The following MUC7 variants were observed in gnomAD, a reference collection of about 807,000 sequenced individuals.
MUC7 encodes mucin-7.
In MUC7, 2 loss-of-function variants were observed where a neutral mutation model predicts 2.5. The ratio of observed to expected loss-of-function variants is 0.81; its 90% confidence interval spans 0.33 to 2.55. MUC7 has a LOEUF of 2.55. Among genes scored for constraint, MUC7 ranks in the 30% most tolerant of loss-of-function variants. The pLI, the probability that MUC7 is intolerant of heterozygous loss-of-function variation, is 0.11. For synonymous variants in MUC7, 133 were observed against 173.4 expected, an observed-to-expected ratio of 0.77 and a Z score of 1.83; for missense variants, 408 against 455.6, an observed-to-expected ratio of 0.90 and a Z score of 0.95.
rs546054778 is a variant in MUC7, at chr4:70,442,195, G to A, written c.-93+11508G>A. Among the ~76,000 whole-genome samples, 9 of 152,254 alleles carry A rather than the reference G, an allele frequency of 5.9e-5. No homozygotes were observed. The East Asian group carries it at 9.7e-4, about 16-fold the overall frequency. On this transcript the variant is annotated intron_variant, in intron 1 of 3. Coordinates refer to the MUC7 transcript ENST00000413702. ...AAAAATGCTATCATACTTTGGGTTC[G>A]TATATGTACAGCTCAACCTCTCAAA...
At chr4:70,446,341 GT>G (rs1489672777) in intron 1 of MUC7, among the ~76,000 whole-genome samples, 1 of 152,132 alleles carries the variant, frequency 6.6e-6, no homozygotes. Context: ...TTCTCTCACA[GT>G]TTTATAGGCT....
At chr4:70,451,642 AT>A (rs1013949261) in intron 1 of MUC7, among the ~76,000 whole-genome samples, 8 of 151,772 alleles carry the variant, frequency 5.3e-5, no homozygotes, top group Admixed American at 4.6e-4. Flanking sequence ...TACTATTTCA[AT>A]TTTTTTTAAT....
intron 1 of MUC7, among the ~76,000 whole-genome samples, chr4:70,450,330 T>A (rs1256386222): frequency 6.6e-6 from 1 of 152,168 alleles, no homozygotes; most frequent in Non-Finnish European, 1.5e-5. Context: ...GGACTCACCC[T>A]TCAGGACAGT....
intron 1 of MUC7, among the ~76,000 whole-genome samples, chr4:70,447,732 C>T (rs1734180787): frequency 6.6e-6 from 1 of 152,144 alleles, no homozygotes; most frequent in African/African-American, 2.4e-5. Flanking sequence ...ATAATAATCA[C>T]ATCATGGAGA....
In MUC7 at chr4:70,481,127, A is replaced by C. The variant is rs752727782; in HGVS notation, c.383A>C (p.Asn128Thr). ...SASTKITTLP[N>T]VTFLPQNATT... ...TCCACCAAAATTACTACCCTTCCAA[A>C]TGTGACTTTTCTTCCCCAGAATGCC... The change falls in exon 3 of 3, where the codon AAT (asparagine) becomes ACT (threonine). Residue 128 changes from asparagine (N) to threonine (T), a missense_variant. By Grantham distance (65) the Asn-to-Thr change is moderately conservative. Around this residue, in one of 3 missense-constraint regions of MUC7, gnomAD observed 225 missense variants for 240.5 expected, o/e 0.94. Transcript: ENST00000304887. 3 of 1,614,128 alleles carry C rather than the reference A, an allele frequency of 1.9e-6. No individual in the cohort carries two copies. Among genetic ancestry groups the C allele is most frequent in the Non-Finnish European group, 2.5e-6 (3 of 1,180,024 alleles).
intron 1 of MUC7, among the ~76,000 whole-genome samples, chr4:70,437,468 C>T (rs563391126): frequency 1.2e-4 from 18 of 152,304 alleles, no homozygotes; most frequent in African/African-American, 3.4e-4. Flanking sequence ...CGTCCCAGGT[C>T]GATCTCAGAC....
intron 1 of MUC7, among the ~76,000 whole-genome samples, chr4:70,460,864 C>A (rs1734539528): frequency 6.6e-6 from 1 of 152,174 alleles, no homozygotes; most frequent in African/African-American, 2.4e-5. Context: ...CAACGGCACC[C>A]TACTGCAGCC....
rs536486894 is a variant in MUC7 at position 70,457,433 on chromosome 4, C to A, written c.-92-14782C>A. On this transcript the variant is annotated intron_variant, in intron 1 of 3. Coordinates refer to the MUC7 transcript ENST00000413702. ...CTCTAGCCTGGGTGACAGAGCAAGA[C>A]CTTGTCTCAATCAATCAATCATGTA... Among the ~76,000 whole-genome samples, 7 of 152,054 alleles carry A rather than the reference C, an allele frequency of 4.6e-5. No homozygotes were observed. In the South Asian group the frequency reaches 1.2e-3, roughly 27 times the overall value.
chr4:70,481,029 T>C lies in MUC7; in HGVS notation c.285T>C (p.Asp95=), dbSNP rs1203985361. 5.0e-6 allele frequency: 8 copies of C among 1,614,080 alleles called. No homozygotes were observed. The highest frequency in any genetic ancestry group is 1.3e-5 in the African/African-American group (1 of 75,024). ...PNPHQPPKHP[D]KNSSVVNPTL... ...CTCACCAGCCACCTAAACATCCAGA[T>C]AAAAATAGCAGTGTGGTCAACCCTA... is the stretch of plus-strand genomic sequence containing the variant. Residue 95 remains aspartate (D), a synonymous_variant, in exon 3 of 3, where the codon GAT becomes GAC. Coordinates refer to ENST00000304887, the MANE Select transcript of MUC7 (RefSeq NM_152291.3).
chr4:70,438,142 T>G (rs1305596010), intron 1 of MUC7, among the ~76,000 whole-genome samples: 1 of 152,168 alleles, frequency 6.6e-6, no homozygotes, highest in East Asian at 1.9e-4. Flanking sequence ...GCTTACAACC[T>G]CAAAAGAGTA....
chr4:70,459,828 C>A (rs1171760047), intron 1 of MUC7, among the ~76,000 whole-genome samples: 1 of 152,080 alleles, frequency 6.6e-6, no homozygotes, highest in African/African-American at 2.4e-5. Flanking sequence ...AAGATGAATG[C>A]CCCACAGTTA....
intron 1 of MUC7, among the ~76,000 whole-genome samples, chr4:70,433,749 T>G (rs1301385956): frequency 6.6e-6 from 1 of 152,188 alleles, no homozygotes; most frequent in African/African-American, 2.4e-5. Context: ...TGGCCAGAAC[T>G]TCCAACACTA....
rs762240460 is a variant in MUC7, at chr4:70,474,075, G to A, written c.54G>A (p.Ser18=). The part of the protein sequence containing the change: ...VCICALSACF[S]FSEGRERDHE... ...TCTGTGCACTGAGTGCTTGCTTCTC[G>A]GTAAGTATTCACCCAAATAAGTTTT... Residue 18 remains serine, a splice_region_variant and synonymous_variant, in exon 2 of 3, where the codon TCG becomes TCA. Transcript: ENST00000304887. 1.4e-5 allele frequency: 22 copies of A among 1,610,990 alleles called. No individual in the cohort carries two copies. Among genetic ancestry groups the A allele is most frequent in the South Asian group, 3.3e-5 (3 of 90,688 alleles).
chr4:70,448,623 G>A (rs1734199515), intron 1 of MUC7, among the ~76,000 whole-genome samples: 1 of 152,066 alleles, frequency 6.6e-6, no homozygotes, highest in Admixed American at 6.6e-5. Flanking sequence ...CAAATTATTA[G>A]ATTTTTTCCT....
chr4:70,442,798 CACAAGAGAAATAAGCCAA>C (rs1734040904), intron 1 of MUC7, among the ~76,000 whole-genome samples: 2 of 152,192 alleles, frequency 1.3e-5, no homozygotes, highest in Admixed American at 1.3e-4. Flanking sequence ...TCAAGTGGGA[CACAAGAGAAATAAGCCAA>C]AAACTAGACT....
intron 1 of MUC7, among the ~76,000 whole-genome samples, chr4:70,467,050 A>G (rs1334089020): frequency 6.6e-6 from 1 of 152,214 alleles, no homozygotes; most frequent in Non-Finnish European, 1.5e-5. Context: ...GGAAATCATA[A>G]CAAACAGTCT....
intron 1 of MUC7, among the ~76,000 whole-genome samples, chr4:70,434,229 C>T (rs1479104326): frequency 6.6e-6 from 1 of 151,990 alleles, no homozygotes; most frequent in Non-Finnish European, 1.5e-5. Context: ...ATGATGCTGG[C>T]CTCATAAAAT....
rs140068914 is a variant in MUC7, at chr4:70,441,379, C to T, written c.-93+10692C>T. ...AGGATGAAAATACTGGAATTGATAACTCCACTATATCGGAAATACTTATAA... is the reference window on the plus strand; with the variant it reads ...AGGATGAAAATACTGGAATTGATAATTCCACTATATCGGAAATACTTATAA... On this transcript the variant is annotated intron_variant, in intron 1 of 3. Coordinates refer to the MUC7 transcript ENST00000413702. 4.5e-3 allele frequency among the ~76,000 whole-genome samples: 689 copies of T among 152,232 alleles called. 6 individuals are homozygous for T. The highest frequency in any genetic ancestry group is 0.016 in the African/African-American group (665 of 41,554).
intron 1 of MUC7, among the ~76,000 whole-genome samples, chr4:70,440,491 G>GAAAACA: frequency 6.6e-6 from 1 of 151,994 alleles, no homozygotes; most frequent in South Asian, 2.1e-4. Flanking sequence ...TGATAAATAA[G>GAAAACA]AAAACAAAAA....
Sources: gnomAD v4.1 joint callset for allele counts (sites outside exome capture counted in the v4.1 genomes callset) on GRCh38, gnomAD v4.1.1 for gene constraint, gnomAD v4.1.1 regional missense constraint, MANE v1.5 for transcripts, NCBI Gene and HGNC (gene_info 2026-07-23, HGNC 2026-07-21) for gene names.